CAST: variants seen among roughly 807,000 people sequenced by gnomAD.
The protein encoded by CAST is calpastatin.
In CAST, 76 loss-of-function variants were observed where a neutral mutation model predicts 119.6. The observed-to-expected ratio is 0.64, with a 90% confidence interval of 0.53 to 0.77. The LOEUF (loss-of-function observed/expected upper bound fraction) is 0.77, where lower values mean the gene tolerates loss of function less well. CAST is among the 30% of genes least tolerant of loss of function. CAST has a pLI of 0.00. For synonymous variants in CAST, 319 were observed against 331.6 expected (o/e 0.96, Z 0.41); for missense variants, 953 against 946.5 (o/e 1.01, Z -0.09).
At chr5:96,611,564 CTT>C (rs3064174) in intron 1 of CAST, among the ~76,000 whole-genome samples, 55,758 of 151,776 alleles carry the variant, frequency 0.37, 10,935 homozygotes, top group Admixed American at 0.45. Context: ...AGAATTTATG[CTT>C]TTAAGACCTC....
At chr5:96,680,917 C>A (rs1283218684) in intron 2 of CAST, among the ~76,000 whole-genome samples, 5 of 152,236 alleles carry the variant, frequency 3.3e-5, no homozygotes, top group African/African-American at 1.2e-4. Context: ...AAGCTCATGT[C>A]TCAGTGCCAA....
the CAST span, among the ~76,000 whole-genome samples, chr5:96,119,263 T>C: frequency 1.3e-5 from 2 of 152,150 alleles, no homozygotes; most frequent in Non-Finnish European, 2.9e-5. Context: ...ATTTGACCTA[T>C]ATAGAGTTGA....
At chr5:96,392,980 A>C in the CAST span, 3 of 1,613,602 alleles carry the variant, frequency 1.9e-6, no homozygotes, top group South Asian at 3.3e-5. Flanking sequence ...AATATTTCCA[A>C]CTTGGGACCA....
chr5:96,658,249 G>T (rs1748191283), upstream of CAST, among the ~76,000 whole-genome samples: 1 of 151,946 alleles, frequency 6.6e-6, no homozygotes, highest in South Asian at 2.1e-4. Context: ...CCCAAATTTG[G>T]TTTCTTGTTG....
chr5:96,085,352 C>T, the CAST span, among the ~76,000 whole-genome samples: 6 of 152,184 alleles, frequency 3.9e-5, no homozygotes, highest in South Asian at 4.1e-4. Flanking sequence ...AATAGAGGAA[C>T]GAAAATGAAC....
At chr5:96,303,750 T>A in the CAST span, among the ~76,000 whole-genome samples, 1 of 152,184 alleles carries the variant, frequency 6.6e-6, no homozygotes, top group African/African-American at 2.4e-5. Flanking sequence ...GTTTCTAGCT[T>A]CATCCATATC....
chr5:96,203,626 C>T, the CAST span, among the ~76,000 whole-genome samples: 50,845 of 151,614 alleles, frequency 0.34, 8,826 homozygotes, highest in Admixed American at 0.43. Flanking sequence ...TGATTTCCTG[C>T]TTACATTAAT....
chr5:96,232,035 G>A, the CAST span, among the ~76,000 whole-genome samples: 45 of 151,826 alleles, frequency 3.0e-4, no homozygotes, highest in African/African-American at 9.9e-4. Context: ...ATGTGTTGGT[G>A]GTAAAAGAAC....
chr5:96,163,891 G>A, the CAST span, among the ~76,000 whole-genome samples: 1 of 152,198 alleles, frequency 6.6e-6, no homozygotes, highest in East Asian at 1.9e-4. Context: ...CAACTCTGTG[G>A]GTTTGAATTC....
the CAST span, among the ~76,000 whole-genome samples, chr5:96,216,342 G>GA: frequency 1.3e-5 from 2 of 152,018 alleles, no homozygotes; most frequent in African/African-American, 4.8e-5. Context: ...AACTATATAT[G>GA]AAAAAAATCC....
At chr5:96,265,737 T>C in the CAST span, among the ~76,000 whole-genome samples, 1 of 152,196 alleles carries the variant, frequency 6.6e-6, no homozygotes, top group Non-Finnish European at 1.5e-5. Context: ...ACACATAAAA[T>C]TAACCATTCC....
chr5:96,311,131 AT>A, the CAST span, among the ~76,000 whole-genome samples: 1 of 151,782 alleles, frequency 6.6e-6, no homozygotes, highest in East Asian at 1.9e-4. Context: ...TTGTGTCTCT[AT>A]TTTTGTTTGT....
chr5:96,206,911 A>G, the CAST span, among the ~76,000 whole-genome samples: 1 of 152,124 alleles, frequency 6.6e-6, no homozygotes, highest in African/African-American at 2.4e-5. Context: ...GGCCATTTTA[A>G]CAATATTGAT....
chr5:96,641,553 A>G (rs1324185474), intron 1 of CAST, among the ~76,000 whole-genome samples: 2 of 152,162 alleles, frequency 1.3e-5, no homozygotes, highest in Admixed American at 1.3e-4. Context: ...TGGTTTCCCA[A>G]TGCCAAGAGG....
the CAST span, among the ~76,000 whole-genome samples, chr5:96,123,257 G>A: frequency 6.6e-6 from 1 of 152,032 alleles, no homozygotes; most frequent in African/African-American, 2.4e-5. Flanking sequence ...ATTTTATCAT[G>A]TTCTTACCAC....
chr5:96,759,419 GAA>G (rs1767185349), intron 24 of CAST, among the ~76,000 whole-genome samples: 1 of 152,010 alleles, frequency 6.6e-6, no homozygotes, highest in African/African-American at 2.4e-5. Flanking sequence ...GATATTACAA[GAA>G]AAAGTCTTTG....
At chr5:96,168,161 G>A in the CAST span, among the ~76,000 whole-genome samples, 2 of 152,170 alleles carry the variant, frequency 1.3e-5, no homozygotes, top group Non-Finnish European at 2.9e-5. Context: ...TGGGGGAGTA[G>A]GTGGGAGTGG....
chr5:96,036,704 C>T, the CAST span, among the ~76,000 whole-genome samples: 2 of 152,090 alleles, frequency 1.3e-5, no homozygotes, highest in East Asian at 3.9e-4. Flanking sequence ...TGTATATACA[C>T]AATTAATATT....
chr5:96,201,108 G>A, the CAST span, among the ~76,000 whole-genome samples: 1 of 152,016 alleles, frequency 6.6e-6, no homozygotes, highest in Admixed American at 6.6e-5. Context: ...TCAAAGAGAT[G>A]TTTAGAATTA....
Sources: gnomAD v4.1 joint callset for allele counts (sites outside exome capture counted in the v4.1 genomes callset) on GRCh38, gnomAD v4.1.1 for gene constraint, MANE v1.5 for transcripts, NCBI Gene and HGNC (gene_info 2026-07-23, HGNC 2026-07-21) for gene names.